Variants in ACYP2 observed in about 807,000 individuals in gnomAD.
ACYP2 encodes the protein acylphosphatase 2.
ACYP2 carries 12 observed loss-of-function variants against 11.2 expected under a neutral mutation model. The ratio of observed to expected loss-of-function variants is 1.08; its 90% CI spans 0.69 to 1.74. ACYP2 has a LOEUF of 1.74. Ranked by LOEUF, ACYP2 falls within the 40% of genes most tolerant of loss-of-function variation. ACYP2 has a pLI of 0.00. For missense variants in ACYP2, 134 were observed against 101.9 expected (o/e 1.31, Z -1.35); for synonymous variants, 43 against 32.2 (o/e 1.33, Z -1.13).
chr2:54,217,218 T>C (rs374981539), intron 6 of ACYP2, among the ~76,000 whole-genome samples: 2 of 152,186 alleles, frequency 1.3e-5, no homozygotes, highest in East Asian at 3.8e-4. Flanking sequence ...CACTGTCCAA[T>C]AGAACTTTCT....
intron 6 of ACYP2, among the ~76,000 whole-genome samples, chr2:54,252,859 G>A (rs572294415): frequency 4.6e-5 from 7 of 151,490 alleles, no homozygotes; most frequent in Admixed American, 2.6e-4. Flanking sequence ...AGCTGAGATC[G>A]TGCCACTGCA....
intron 6 of ACYP2, among the ~76,000 whole-genome samples, chr2:54,168,171 T>C (rs1276886033): frequency 6.6e-6 from 1 of 152,200 alleles, no homozygotes; most frequent in African/African-American, 2.4e-5. Flanking sequence ...ACACCTGTAA[T>C]CCCAGCACTT....
chr2:54,258,261 G>A (rs1000849589), intron 6 of ACYP2, among the ~76,000 whole-genome samples: 7 of 152,164 alleles, frequency 4.6e-5, no homozygotes, highest in African/African-American at 1.7e-4. Context: ...GAAATAGGGT[G>A]GTCAGAGGAA....
At chr2:54,246,136 T>C (rs1329657733) in intron 6 of ACYP2, among the ~76,000 whole-genome samples, 2 of 152,200 alleles carry the variant, frequency 1.3e-5, no homozygotes, top group East Asian at 3.8e-4. Flanking sequence ...ATTAACGTTC[T>C]TGGCATCTTT....
chr2:54,193,992 A>C (rs1298138288), intron 6 of ACYP2, among the ~76,000 whole-genome samples: 1 of 152,178 alleles, frequency 6.6e-6, no homozygotes, highest in East Asian at 1.9e-4. Context: ...CCAAATAGGC[A>C]TGATATATGA....
intron 2 of ACYP2, among the ~76,000 whole-genome samples, chr2:53,994,531 AAG>A (rs1306421372): frequency 6.6e-6 from 1 of 150,794 alleles, no homozygotes; most frequent in African/African-American, 2.4e-5. Flanking sequence ...AAAAAAAAAA[AAG>A]AGGAAACTGG....
chr2:54,240,925 C>T (rs1036525569), intron 6 of ACYP2, among the ~76,000 whole-genome samples: 1 of 152,144 alleles, frequency 6.6e-6, no homozygotes, highest in South Asian at 2.1e-4. Flanking sequence ...ACATTTAGGC[C>T]GAGGAGATGA....
At chr2:54,276,658 CA>C (rs1406770022) in intron 6 of ACYP2, among the ~76,000 whole-genome samples, 67 of 135,128 alleles carry the variant, frequency 5.0e-4, no homozygotes, top group African/African-American at 1.9e-3. Context: ...CACACACACA[CA>C]CACCACACAC....
chr2:54,129,091 A>C (rs1357603690), intron 4 of ACYP2, among the ~76,000 whole-genome samples: 1 of 152,200 alleles, frequency 6.6e-6, no homozygotes, highest in Admixed American at 6.5e-5. Context: ...ATTCACTTCC[A>C]AATAAAGACA....
intron 6 of ACYP2, among the ~76,000 whole-genome samples, chr2:54,158,497 C>A (rs1292316235): frequency 6.6e-6 from 1 of 152,116 alleles, no homozygotes; most frequent in Non-Finnish European, 1.5e-5. Context: ...TGAGCCACTG[C>A]ACCCAGCACG....
In ACYP2 at chr2:54,000,776, C is replaced by A. The variant is rs539483663; in HGVS notation, c.62+26966C>A. Among the ~76,000 whole-genome samples the A allele has an allele frequency of 9.2e-5, 14 of 152,308 alleles. No homozygotes were observed. In the South Asian group the frequency reaches 2.7e-3, roughly 29 times the overall value. ...AAGTAGAACACATCTTTTCCACTTA[C>A]GTCACTTCCATTCCCATTCCTTTGG... On this transcript the variant is annotated intron_variant, in intron 2 of 6. Coordinates refer to ENST00000607452, the MANE Select transcript of ACYP2 (RefSeq NM_001320586.2).
chr2:54,073,011 G>A (rs1319542115), intron 4 of ACYP2, among the ~76,000 whole-genome samples: 4 of 152,174 alleles, frequency 2.6e-5, no homozygotes, highest in Non-Finnish European at 4.4e-5. Context: ...CATTAATCAA[G>A]TGAGTGTGGT....
intron 4 of ACYP2, among the ~76,000 whole-genome samples, chr2:54,110,941 G>C (rs1485874157): frequency 1.3e-5 from 2 of 152,012 alleles, no homozygotes; most frequent in African/African-American, 4.8e-5. Context: ...GTTGAGTTCA[G>C]AGCAATCTGT....
intron 6 of ACYP2, among the ~76,000 whole-genome samples, chr2:54,243,213 C>A (rs975874814): frequency 6.6e-6 from 1 of 152,096 alleles, no homozygotes; most frequent in Admixed American, 6.6e-5. Context: ...CTGAGAAATG[C>A]ATCATTAGGC....
chr2:54,220,973 T>C (rs1195464352), intron 6 of ACYP2, among the ~76,000 whole-genome samples: 1 of 152,252 alleles, frequency 6.6e-6, no homozygotes, highest in Admixed American at 6.5e-5. Context: ...CCCACTGATG[T>C]TGGGTTTGGC....
chr2:54,109,667 CAT>C (rs1419769282), intron 4 of ACYP2, among the ~76,000 whole-genome samples: 2 of 151,996 alleles, frequency 1.3e-5, no homozygotes, highest in African/African-American at 4.8e-5. Context: ...ATTATGAAAA[CAT>C]ATAATAGGAT....
chr2:54,045,211 C>A (rs1675446909), intron 2 of ACYP2, among the ~76,000 whole-genome samples: 1 of 152,132 alleles, frequency 6.6e-6, no homozygotes, highest in African/African-American at 2.4e-5. Flanking sequence ...CCCCTTATTC[C>A]AACTGATCAA....
intron 6 of ACYP2, among the ~76,000 whole-genome samples, chr2:54,187,158 C>G (rs1356146307): frequency 6.6e-6 from 1 of 152,136 alleles, no homozygotes; most frequent in Non-Finnish European, 1.5e-5. Flanking sequence ...AGGGCACATG[C>G]AATCTGGGGC....
At chr2:54,053,699 C>G (rs1382065018) in intron 3 of ACYP2, among the ~76,000 whole-genome samples, 2 of 152,224 alleles carry the variant, frequency 1.3e-5, no homozygotes, top group Admixed American at 1.3e-4. Flanking sequence ...TCAATGAGCT[C>G]TGATCCCTTC....
Sources: allele counts gnomAD v4.1 joint callset (sites outside exome capture counted in the v4.1 genomes callset), GRCh38; gene constraint gnomAD v4.1.1; transcripts MANE v1.5; gene names NCBI Gene and HGNC (gene_info 2026-07-23, HGNC 2026-07-21).